ZNF521: variants seen among roughly 807,000 people sequenced by gnomAD.
ZNF521 encodes the protein LYST-interacting protein 3.
A neutral mutation model predicts 105.5 loss-of-function variants in ZNF521; 14 were observed. The ratio of observed to expected loss-of-function variants is 0.13; its 90% CI spans 0.09 to 0.21. The LOEUF (loss-of-function observed/expected upper bound fraction) is 0.21. Ranked by LOEUF, ZNF521 falls within the 10% of genes least tolerant of loss-of-function variation. The pLI, the probability that ZNF521 is intolerant of heterozygous loss-of-function variation, is 1.00. For missense variants in ZNF521, 1,233 were observed against 1,629.7 expected, an observed-to-expected ratio of 0.76 and a Z score of 4.19; for synonymous variants, 635 against 606.0, an observed-to-expected ratio of 1.05 and a Z score of -0.70.
At chr18:25,151,283 G>A (rs2035043484) in intron 5 of ZNF521, among the ~76,000 whole-genome samples, 1 of 151,870 alleles carries the variant, frequency 6.6e-6, no homozygotes, top group South Asian at 2.1e-4. Flanking sequence ...GGCCTTCCTG[G>A]GACTCTGTAC....
At chr18:25,092,647 T>C (rs1330817449) in intron 5 of ZNF521, among the ~76,000 whole-genome samples, 2 of 152,216 alleles carry the variant, frequency 1.3e-5, no homozygotes, top group African/African-American at 2.4e-5. Context: ...ATATTCTTCC[T>C]AGTTCATCTC....
chr18:25,177,995 A>C (rs1399339792), intron 5 of ZNF521, among the ~76,000 whole-genome samples: 7 of 152,212 alleles, frequency 4.6e-5, no homozygotes, highest in African/African-American at 1.7e-4. Context: ...TTAACATAAA[A>C]GAGTGTTCTT....
intron 3 of ZNF521, among the ~76,000 whole-genome samples, chr18:25,290,607 C>CTTTTTTT (rs35687026): frequency 1.7e-5 from 2 of 116,222 alleles, no homozygotes; most frequent in Non-Finnish European, 1.8e-5. Context: ...AGGCCATATT[C>CTTTTTTT]TTTTTTTTTT....
At chr18:25,188,418 G>A (rs895813284) in intron 5 of ZNF521, among the ~76,000 whole-genome samples, 4 of 152,148 alleles carry the variant, frequency 2.6e-5, no homozygotes, top group Non-Finnish European at 4.4e-5. Flanking sequence ...GGTCATCAGA[G>A]ACCTTTTCCT....
At chr18:25,098,440 A>AT (rs886867375) in intron 5 of ZNF521, among the ~76,000 whole-genome samples, 120 of 148,458 alleles carry the variant, frequency 8.1e-4, no homozygotes, top group African/African-American at 1.0e-3. Flanking sequence ...CTTTGCCCTC[A>AT]TTTTTTTTTT....
intron 5 of ZNF521, among the ~76,000 whole-genome samples, chr18:25,146,969 ATAG>A: frequency 6.6e-6 from 1 of 152,154 alleles, no homozygotes; most frequent in Middle Eastern, 3.2e-3. Context: ...TGTGACAAAG[ATAG>A]TAGGAGTATG....
At chr18:25,234,248 G>C (rs2144766814) in intron 3 of ZNF521, among the ~76,000 whole-genome samples, 1 of 152,288 alleles carries the variant, frequency 6.6e-6, no homozygotes, top group African/African-American at 2.4e-5. Flanking sequence ...CCGTGACTGA[G>C]GGTGTTCTAA....
At chr18:25,190,614 G>T (rs981704160) in intron 5 of ZNF521, among the ~76,000 whole-genome samples, 2 of 152,066 alleles carry the variant, frequency 1.3e-5, no homozygotes, top group Non-Finnish European at 2.9e-5. Flanking sequence ...ACTGAAAGTC[G>T]CAAAACAATA....
chr18:25,234,572 G>A (rs188386310), intron 3 of ZNF521, among the ~76,000 whole-genome samples: 178 of 151,450 alleles, frequency 1.2e-3, no homozygotes, highest in African/African-American at 4.1e-3. Flanking sequence ...GAAAAATTTC[G>A]GCCTGCCTCA....
intron 5 of ZNF521, among the ~76,000 whole-genome samples, chr18:25,185,594 C>G (rs537930532): frequency 9.5e-4 from 145 of 152,274 alleles, no homozygotes; most frequent in Non-Finnish European, 1.4e-3. Context: ...ACTGATGTTG[C>G]TTCATTACAA....
intron 5 of ZNF521, among the ~76,000 whole-genome samples, chr18:25,102,857 T>A (rs561426113): frequency 1.3e-5 from 2 of 152,168 alleles, no homozygotes; most frequent in Non-Finnish European, 2.9e-5. Flanking sequence ...AAACAGCAGT[T>A]ACTGTTTTCT....
chr18:25,080,124 AG>A, intron 7 of ZNF521, among the ~76,000 whole-genome samples: 1 of 152,342 alleles, frequency 6.6e-6, no homozygotes, highest in African/African-American at 2.4e-5. Context: ...GAGGGGCCCA[AG>A]GAAAAAGCCC....
At chr18:25,323,479 G>C (rs1024407718) in intron 2 of ZNF521, among the ~76,000 whole-genome samples, 1 of 151,932 alleles carries the variant, frequency 6.6e-6, no homozygotes, top group Admixed American at 6.6e-5. Flanking sequence ...AGCCCAAGCA[G>C]AAGTGCAGTG....
intron 5 of ZNF521, among the ~76,000 whole-genome samples, chr18:25,141,904 C>T (rs995566754): frequency 1.3e-5 from 2 of 152,070 alleles, no homozygotes; most frequent in African/African-American, 2.4e-5. Flanking sequence ...ACATTCCATG[C>T]GCTAGGAAGT....
At chr18:25,165,332 C>A (rs1053967198) in intron 5 of ZNF521, among the ~76,000 whole-genome samples, 1 of 152,174 alleles carries the variant, frequency 6.6e-6, no homozygotes, top group Non-Finnish European at 1.5e-5. Flanking sequence ...AAATCAAGCT[C>A]CCTCTGTGCT....
chr18:25,187,599 A>G (rs2035748303), intron 5 of ZNF521, among the ~76,000 whole-genome samples: 1 of 152,226 alleles, frequency 6.6e-6, no homozygotes, highest in South Asian at 2.1e-4. Flanking sequence ...TCAACAAGTG[A>G]TATTTTAATG....
chr18:25,132,220 T>A (rs1454226822), intron 5 of ZNF521, among the ~76,000 whole-genome samples: 2 of 152,190 alleles, frequency 1.3e-5, no homozygotes, highest in African/African-American at 4.8e-5. Context: ...TTTGAATAAC[T>A]TTTAGGATAT....
At chr18:25,244,081 C>T (rs907307798) in intron 3 of ZNF521, among the ~76,000 whole-genome samples, 1 of 152,126 alleles carries the variant, frequency 6.6e-6, no homozygotes, top group Admixed American at 6.5e-5. Flanking sequence ...AAGCTGAGTC[C>T]TTGCCATAGT....
At chr18:25,139,412 C>G (rs1233320768) in intron 5 of ZNF521, among the ~76,000 whole-genome samples, 1 of 132,386 alleles carries the variant, frequency 7.6e-6, no homozygotes, top group African/African-American at 2.8e-5. Flanking sequence ...AGACAATAAG[C>G]CTTTAAGAGC....
Sources: gnomAD v4.1 joint callset for allele counts (sites outside exome capture counted in the v4.1 genomes callset) on GRCh38, gnomAD v4.1.1 for gene constraint, MANE v1.5 for transcripts, NCBI Gene and HGNC (gene_info 2026-07-23, HGNC 2026-07-21) for gene names.